Variants in RSPO4 observed in about 807,000 individuals in gnomAD.
The protein encoded by RSPO4 is R-spondin 4.
RSPO4 carries 23 observed loss-of-function variants against 24.8 expected under a neutral mutation model. The ratio of observed to expected loss-of-function variants is 0.93; its 90% CI spans 0.67 to 1.31. The LOEUF (loss-of-function observed/expected upper bound fraction) is 1.31. Among genes scored for constraint, RSPO4 ranks in the 40% most tolerant of loss-of-function variants. RSPO4 has a pLI of 0.00. For missense variants in RSPO4, 333 were observed against 316.5 expected (o/e 1.05, Z -0.39); for synonymous variants, 141 against 127.4 (o/e 1.11, Z -0.72).
intron 1 of RSPO4, among the ~76,000 whole-genome samples, chr20:974,312 C>A (rs1436358203): frequency 1.3e-5 from 2 of 152,224 alleles, no homozygotes; most frequent in East Asian, 3.9e-4. Context: ...TGACTCTGAC[C>A]CTAACCAATG....
intron 1 of RSPO4, among the ~76,000 whole-genome samples, chr20:969,799 G>A (rs1984352198): frequency 6.6e-6 from 1 of 152,184 alleles, no homozygotes; most frequent in Admixed American, 6.5e-5. Flanking sequence ...CTAAGTGACA[G>A]GAAAGGATAG....
At chr20:963,791 T>G in intron 4 of RSPO4, 144 bp downstream of exon 4, 3 of 813,702 alleles carry the variant, frequency 3.7e-6, no homozygotes, top group Non-Finnish European at 6.1e-6. Context: ...CCAGGGAAGG[T>G]GATGTGTACT....
chr20:962,728 A>G (rs1984042727), intron 4 of RSPO4, among the ~76,000 whole-genome samples: 1 of 152,192 alleles, frequency 6.6e-6, no homozygotes, highest in Non-Finnish European at 1.5e-5. Flanking sequence ...TCCTGGCTCC[A>G]CTATGTCCCA....
At chr20:1,001,290 T>A (rs1985454760) in intron 1 of RSPO4, among the ~76,000 whole-genome samples, 1 of 152,182 alleles carries the variant, frequency 6.6e-6, no homozygotes, top group African/African-American at 2.4e-5. Flanking sequence ...CTCACCCGCT[T>A]ACCCTTCTCT....
chr20:986,330 A>G (rs1984920380), intron 1 of RSPO4, among the ~76,000 whole-genome samples: 1 of 152,174 alleles, frequency 6.6e-6, no homozygotes, highest in South Asian at 2.1e-4. Flanking sequence ...AGGCCACAGC[A>G]GCATCAGGGT....
At chr20:993,443 G>A (rs149669382) in intron 1 of RSPO4, among the ~76,000 whole-genome samples, 3,008 of 152,248 alleles carry the variant, frequency 0.02, 53 homozygotes, top group Middle Eastern at 0.11. Context: ...CTGTTCCACC[G>A]GGCTAGGAAA....
chr20:973,776 T>G (rs894182094), intron 1 of RSPO4, among the ~76,000 whole-genome samples: 12 of 152,348 alleles, frequency 7.9e-5, no homozygotes, highest in African/African-American at 2.9e-4. Context: ...CATAGAGTGC[T>G]GGCCCACTGG....
intron 1 of RSPO4, among the ~76,000 whole-genome samples, chr20:977,403 T>C (rs1984598672): frequency 6.6e-6 from 1 of 152,208 alleles, no homozygotes; most frequent in Non-Finnish European, 1.5e-5. Flanking sequence ...TTAACCTCAC[T>C]GTGCTTCAGT....
At chr20:976,255 C>A (rs555343131) in intron 1 of RSPO4, among the ~76,000 whole-genome samples, 67 of 152,234 alleles carry the variant, frequency 4.4e-4, no homozygotes, top group Non-Finnish European at 7.2e-4. Flanking sequence ...TGTCAACCAA[C>A]ATCTGGACCC....
rs544426892 is a variant in RSPO4 at position 968,895 on chromosome 20, G to A, written c.80-757C>T. On this transcript the variant is annotated intron_variant, in intron 1 of 4. Transcript: ENST00000217260. ...GGAGCCAAAGCTGGGGAAAAAAGAG[G>A]TGGAAAATGCTCTAGAATCTTAAGT... 1.4e-4 allele frequency among the ~76,000 whole-genome samples: 21 copies of A among 152,336 alleles called. 1 individual carries two copies. Among genetic ancestry groups the A allele is most frequent in the African/African-American group, 2.6e-4 (11 of 41,576 alleles).
Position 967,404 on chromosome 20 carries a change from G to T in RSPO4, c.269-90C>A. On this transcript the variant is annotated intron_variant, in intron 2 of 4. Coordinates refer to ENST00000217260, the MANE Select transcript of RSPO4 (RefSeq NM_001029871.4). ...CCCGAGGTGGAAGGCCCTCTGGGTAGCTCCAGGCTTGGTAGCATTTGGGTC... is the reference window on the plus strand; with the variant it reads ...CCCGAGGTGGAAGGCCCTCTGGGTATCTCCAGGCTTGGTAGCATTTGGGTC... 4 of 1,408,944 alleles carry T rather than the reference G, an allele frequency of 2.8e-6. No individual in the cohort carries two copies. The South Asian group carries it at 4.6e-5, about 16-fold the overall frequency. The allele number at this position is 1,408,944 out of a possible 1,614,324, so 87.3% of individuals were successfully genotyped here.
At chr20:984,119 T>C (rs1463553420) in intron 1 of RSPO4, among the ~76,000 whole-genome samples, 1 of 151,714 alleles carries the variant, frequency 6.6e-6, no homozygotes, top group Non-Finnish European at 1.5e-5. Flanking sequence ...GGGTGGATCA[T>C]GAGGTCAGGA....
intron 1 of RSPO4, among the ~76,000 whole-genome samples, chr20:988,709 C>T (rs923874196): frequency 6.6e-6 from 1 of 152,094 alleles, no homozygotes; most frequent in African/African-American, 2.4e-5. Context: ...CACCACCATG[C>T]CTGGCTAATT....
chr20:985,165 A>C (rs1233010845), intron 1 of RSPO4, among the ~76,000 whole-genome samples: 1 of 132,496 alleles, frequency 7.5e-6, no homozygotes, highest in African/African-American at 2.9e-5. Flanking sequence ...CCATCCACCC[A>C]CCCACCTACC....
chr20:978,086 G>C (rs1984622595), intron 1 of RSPO4, among the ~76,000 whole-genome samples: 1 of 152,184 alleles, frequency 6.6e-6, no homozygotes, highest in Non-Finnish European at 1.5e-5. Context: ...GACTCCCTGG[G>C]ATCAGGGCTA....
rs185641033 is a variant in RSPO4, at chr20:981,140, T to A, written c.80-13002A>T. ...GCATTAGATTTAAACCCACAGCTGA[T>A]GAAACCCCAGACTCATTCTACTGTG... On this transcript the variant is annotated intron_variant, in intron 1 of 4. Coordinates refer to ENST00000217260, the MANE Select transcript of RSPO4 (RefSeq NM_001029871.4). The surrounding 1 kb of genome is among the most constrained non-coding windows in gnomAD (Gnocchi z 4.6). Among the ~76,000 whole-genome samples, 2 of 152,308 alleles carry A rather than the reference T, an allele frequency of 1.3e-5. No homozygotes were observed. The highest frequency in any genetic ancestry group is 2.1e-4 in the South Asian group (1 of 4,828).
At chr20:996,199 T>C (rs928774229) in intron 1 of RSPO4, among the ~76,000 whole-genome samples, 2 of 148,642 alleles carry the variant, frequency 1.3e-5, no homozygotes, top group African/African-American at 2.5e-5. Context: ...TCTATTTTAG[T>C]CAGTGCTATT....
rs118143925 is a variant in RSPO4 at position 973,292 on chromosome 20, T to C, written c.80-5154A>G. Among the ~76,000 whole-genome samples the C allele has an allele frequency of 8.7e-4, 132 of 152,322 alleles. 1 individual carries two copies. In the East Asian group the frequency reaches 0.02, roughly 23 times the overall value. ...TCAAGATGGAGACAAAGCAAAGCTC[T>C]TACCACTCTTAGAAGAGCTTAGAGG... On this transcript the variant is annotated intron_variant, in intron 1 of 4. Transcript: ENST00000217260.
intron 1 of RSPO4, among the ~76,000 whole-genome samples, chr20:1,000,439 C>A (rs974307317): frequency 6.6e-6 from 1 of 152,162 alleles, no homozygotes; most frequent in East Asian, 1.9e-4. Flanking sequence ...TTAATACTTA[C>A]GAGCACCCAT....
Sources: gnomAD v4.1 joint callset for allele counts (sites outside exome capture counted in the v4.1 genomes callset) on GRCh38, gnomAD v4.1.1 for gene constraint, Gnocchi (gnomAD v3.1) non-coding constraint, MANE v1.5 for transcripts, NCBI Gene and HGNC (gene_info 2026-07-23, HGNC 2026-07-21) for gene names.